The following NEDD4L variants were observed in gnomAD, a reference collection of about 807,000 sequenced individuals.
The protein encoded by NEDD4L is E3 ubiquitin-protein ligase NEDD4-like.
In NEDD4L, 54 loss-of-function variants were observed where a neutral mutation model predicts 148.9. That is an observed-to-expected ratio of 0.36 (90% confidence interval 0.29 to 0.45). The LOEUF (loss-of-function observed/expected upper bound fraction) is 0.45. Ranked by LOEUF, NEDD4L falls within the 20% of genes least tolerant of loss-of-function variation. NEDD4L has a pLI of 1.00. For synonymous variants in NEDD4L, 433 were observed against 440.7 expected, an observed-to-expected ratio of 0.98 and a Z score of 0.22; for missense variants, 856 against 1,233.8, an observed-to-expected ratio of 0.69 and a Z score of 4.59.
At chr18:58,114,484 C>T (rs771387510) in intron 1 of NEDD4L, among the ~76,000 whole-genome samples, 31 of 152,290 alleles carry the variant, frequency 2.0e-4, no homozygotes, top group Non-Finnish European at 3.1e-4. Context: ...TATCTTTTAC[C>T]GTCTTGCTTT....
intron 2 of NEDD4L, among the ~76,000 whole-genome samples, chr18:58,179,830 C>A (rs2038631247): frequency 6.6e-6 from 1 of 152,062 alleles, no homozygotes; most frequent in African/African-American, 2.4e-5. Flanking sequence ...ATTATTTCAT[C>A]ATCTATTACA....
chr18:58,077,179 T>C (rs1483868011), intron 1 of NEDD4L, among the ~76,000 whole-genome samples: 2 of 129,516 alleles, frequency 1.5e-5, no homozygotes, highest in Non-Finnish European at 1.6e-5. Flanking sequence ...TTTTTTTTTT[T>C]TTTTTTTTTT....
At chr18:58,230,500 T>C (rs997105388) in intron 2 of NEDD4L, among the ~76,000 whole-genome samples, 1 of 152,060 alleles carries the variant, frequency 6.6e-6, no homozygotes, top group Non-Finnish European at 1.5e-5. Flanking sequence ...TGACCCTGTG[T>C]TTCCTACATT....
At chr18:58,374,234 A>G (rs556189136) in intron 24 of NEDD4L, among the ~76,000 whole-genome samples, 2 of 152,334 alleles carry the variant, frequency 1.3e-5, no homozygotes, top group Admixed American at 1.3e-4. Flanking sequence ...TAATCACATT[A>G]ATATCAGAAT....
At chr18:58,296,356 A>G (rs1260251769) in intron 5 of NEDD4L, among the ~76,000 whole-genome samples, 1 of 152,168 alleles carries the variant, frequency 6.6e-6, no homozygotes, top group Non-Finnish European at 1.5e-5. Context: ...CCTATGACTG[A>G]GTTTCCCAGG....
In NEDD4L at chr18:58,387,419, GT is replaced by G. The variant is rs751368482; in HGVS notation, c.2488-8del. On this transcript the variant is annotated intron_variant, in intron 26 of 30. Coordinates refer to ENST00000400345, the MANE Select transcript of NEDD4L (RefSeq NM_001144967.3). Reference sequence around the variant, plus strand: ...TTTGAAGGCAATAGGTGTTTAAGATGTTTTTTTTTTTTCTTTCAGGGATTCA... The same window carrying G: ...TTTGAAGGCAATAGGTGTTTAAGATGTTTTTTTTTTTCTTTCAGGGATTCA... 21,145 of 1,023,842 alleles carry G rather than the reference GT, an allele frequency of 0.021. 75 individuals are homozygous for G. The highest frequency in any genetic ancestry group is 0.07 in the African/African-American group (4,157 of 59,316). 63.4% of individuals were successfully genotyped at this position (1,023,842 alleles called of 1,614,324 possible).
chr18:58,215,742 C>G (rs1225933926), intron 2 of NEDD4L, among the ~76,000 whole-genome samples: 1 of 152,076 alleles, frequency 6.6e-6, no homozygotes, highest in Non-Finnish European at 1.5e-5. Flanking sequence ...GAAAAAACAA[C>G]AGAAAGAACA....
Position 58,357,239 on chromosome 18 carries a change from C to G in NEDD4L, c.1754C>G (p.Ala585Gly). ...QWEDPRLQNP[A>G]ITGPAVPYSR... ...GAAGACCCAAGACTGCAGAACCCAG[C>G]TATTACTGGTCCGGTCAGTATTTTC... The change falls in exon 19 of 31, where the codon GCT (alanine) becomes GGT (glycine). Residue 585 changes from alanine (A) to glycine (G), a missense_variant. By Grantham distance (60) the Ala-to-Gly change is moderately conservative (BLOSUM62 0). This residue lies in a region of NEDD4L where 286 missense variants were observed against 531.8 expected (regional missense o/e 0.54). Coordinates refer to ENST00000400345, the MANE Select transcript of NEDD4L (RefSeq NM_001144967.3). 1 of 1,612,198 alleles carries G rather than the reference C, an allele frequency of 6.2e-7. No homozygotes were observed. Among genetic ancestry groups the G allele is most frequent in the Non-Finnish European group, 8.5e-7 (1 of 1,179,050 alleles).
intron 1 of NEDD4L, among the ~76,000 whole-genome samples, chr18:58,126,737 G>A (rs1391249101): frequency 6.6e-6 from 1 of 152,194 alleles, no homozygotes; most frequent in Non-Finnish European, 1.5e-5. Flanking sequence ...TCAAGTGGGA[G>A]CTCCAGTCTC....
intron 2 of NEDD4L, among the ~76,000 whole-genome samples, chr18:58,177,716 C>T (rs1287252434): frequency 3.3e-5 from 5 of 152,218 alleles, no homozygotes. Context: ...ATTTGGGAAA[C>T]ATCTTTGGAA....
At chr18:58,343,757 A>G (rs967820313) in intron 16 of NEDD4L, among the ~76,000 whole-genome samples, 2 of 152,254 alleles carry the variant, frequency 1.3e-5, no homozygotes, top group African/African-American at 4.8e-5. Context: ...GCAAAATGAG[A>G]TTAATCAAAG....
chr18:58,275,056 T>C (rs572466994), intron 5 of NEDD4L, among the ~76,000 whole-genome samples: 1 of 152,286 alleles, frequency 6.6e-6, no homozygotes, highest in African/African-American at 2.4e-5. Flanking sequence ...TCTTAACACA[T>C]AGTTGAAAAT....
At chr18:58,166,591 C>T (rs1036436874) in intron 2 of NEDD4L, among the ~76,000 whole-genome samples, 1 of 152,174 alleles carries the variant, frequency 6.6e-6, no homozygotes, top group African/African-American at 2.4e-5. Context: ...CCAACTTTTC[C>T]ATTTTATGGT....
chr18:58,098,762 G>A (rs1261454295), intron 1 of NEDD4L, among the ~76,000 whole-genome samples: 1 of 152,172 alleles, frequency 6.6e-6, no homozygotes, highest in Non-Finnish European at 1.5e-5. Context: ...GAGGCACAGA[G>A]GGATACTAGG....
intron 2 of NEDD4L, among the ~76,000 whole-genome samples, chr18:58,214,728 A>G (rs576712541): frequency 1.5e-4 from 23 of 149,482 alleles, no homozygotes; most frequent in African/African-American, 5.4e-4. Flanking sequence ...TCTAATTAAT[A>G]GATCTAGGAT....
chr18:58,281,129 C>G (rs1315436666), intron 5 of NEDD4L, among the ~76,000 whole-genome samples: 1 of 152,022 alleles, frequency 6.6e-6, no homozygotes, highest in Admixed American at 6.5e-5. Flanking sequence ...AGGCATGCAC[C>G]ACCATACCCA....
rs553416406 is a variant in NEDD4L at position 58,264,968 on chromosome 18, GT to G, written c.297+12917del. Among the ~76,000 whole-genome samples, 5 of 152,206 alleles carry G rather than the reference GT, an allele frequency of 3.3e-5. No homozygotes were observed. The East Asian group carries it at 9.6e-4, about 29-fold the overall frequency. ...GGGAGCTTGGTTTATAGAGCTTTCA[GT>G]TTCACAAACAGATGGGACAGCTGAG... On this transcript the variant is annotated intron_variant, in intron 5 of 30. Transcript: ENST00000400345.
At chr18:58,308,373 C>T (rs1471170395) in intron 5 of NEDD4L, among the ~76,000 whole-genome samples, 1 of 152,186 alleles carries the variant, frequency 6.6e-6, no homozygotes, top group Non-Finnish European at 1.5e-5. Context: ...ATAGAATAGC[C>T]TTCTAAGAAG....
chr18:58,349,202 A>T (rs576371875), intron 16 of NEDD4L, among the ~76,000 whole-genome samples: 1 of 152,252 alleles, frequency 6.6e-6, no homozygotes, highest in East Asian at 1.9e-4. Flanking sequence ...TCTTTGTGCC[A>T]CATTCACTGG....
Sources: allele counts gnomAD v4.1 joint callset (sites outside exome capture counted in the v4.1 genomes callset), GRCh38; gene constraint gnomAD v4.1.1; regional missense constraint gnomAD v4.1.1; transcripts MANE v1.5; gene names NCBI Gene and HGNC (gene_info 2026-07-23, HGNC 2026-07-21).